Variants in MGA observed in about 807,000 individuals in gnomAD.
MGA encodes the protein MAX dimerization protein MGA.
In MGA, 40 loss-of-function variants were observed where a neutral mutation model predicts 261.1. The observed-to-expected ratio is 0.15, with a 90% confidence interval of 0.12 to 0.20. The LOEUF (loss-of-function observed/expected upper bound fraction) is 0.20, where lower values mean the gene tolerates loss of function less well. Among genes scored for constraint, MGA ranks in the 10% least tolerant of loss-of-function variants. The pLI is 1.00. For missense variants in MGA, 3,397 were observed against 3,630.5 expected, an observed-to-expected ratio of 0.94 and a Z score of 1.65; for synonymous variants, 1,302 against 1,290.6, an observed-to-expected ratio of 1.01 and a Z score of -0.19.
intron 1 of MGA, chr15:41,621,419 C>T (rs1329243322): frequency 6.6e-6 from 1 of 152,324 alleles, no homozygotes; most frequent in East Asian, 1.9e-4. Context: ...GTGCGAACGA[C>T]TCGGCGCCGC....
intron 5 of MGA, among the ~76,000 whole-genome samples, chr15:41,702,267 G>A (rs1303213066): frequency 6.6e-6 from 1 of 151,090 alleles, no homozygotes; most frequent in Non-Finnish European, 1.5e-5. Context: ...AGCTTGCAGT[G>A]AGCCGAGATC....
At chr15:41,629,133 A>G (rs2077703609) in intron 1 of MGA, among the ~76,000 whole-genome samples, 1 of 148,510 alleles carries the variant, frequency 6.7e-6, no homozygotes, top group Non-Finnish European at 1.5e-5. Flanking sequence ...AAAAGAAGCC[A>G]TTGGAGTGTT....
At chr15:41,687,765 T>C (rs1239115182) in intron 2 of MGA, among the ~76,000 whole-genome samples, 4 of 152,200 alleles carry the variant, frequency 2.6e-5, no homozygotes, top group Non-Finnish European at 5.9e-5. Flanking sequence ...ATACTTCATG[T>C]ATACTTGAAA....
chr15:41,678,265 A>T (rs1459527431), intron 2 of MGA, among the ~76,000 whole-genome samples: 1 of 151,102 alleles, frequency 6.6e-6, no homozygotes, highest in East Asian at 2.0e-4. Flanking sequence ...TAATTTTTGT[A>T]TTTTTAGTAG....
intron 1 of MGA, among the ~76,000 whole-genome samples, chr15:41,647,639 TCTAAATGTCTGTTCTGA>T (rs1245558610): frequency 2.0e-5 from 3 of 152,192 alleles, no homozygotes; most frequent in Non-Finnish European, 2.9e-5. Context: ...CCACCTGTCA[TCTAAATGTCTGTTCTGA>T]CCATAACCCT....
chr15:41,706,884 G>A (rs1188432576), intron 5 of MGA, among the ~76,000 whole-genome samples: 3 of 151,976 alleles, frequency 2.0e-5, no homozygotes, highest in Admixed American at 6.6e-5. Flanking sequence ...AATAATTAAC[G>A]CTTCACTTTG....
At chr15:41,761,998 C>G in intron 21 of MGA, 131 bp from the exon 22 acceptor site, 1 of 1,029,900 alleles carries the variant, frequency 9.7e-7, no homozygotes, top group Non-Finnish European at 1.4e-6. Flanking sequence ...TGGGTTGTTT[C>G]TTGTGAATTG....
Position 41,719,127 on chromosome 15 carries a change from A to T in MGA, c.3430+5631A>T, listed in dbSNP as rs140735349. On this transcript the variant is annotated intron_variant, in intron 9 of 23. Transcript: ENST00000219905. ...TTGGAAATTGAGATAAGTTGAGATT[A>T]AAAAAATACCATTTAAAATAGCATC... 1.3e-3 allele frequency among the ~76,000 whole-genome samples: 191 copies of T among 152,284 alleles called. 2 individuals carry two copies. In the East Asian group the frequency reaches 0.034, roughly 27 times the overall value.
At position 41,694,266 on chromosome 15, in the gene MGA, A is replaced by G. The variant is rs138202596; in HGVS notation, c.1065-1809A>G. ...CCCTATCTCTACTAAAAATACAAAA[A>G]TTAGCCGGGCGTGTTGGTGCATGCC... On this transcript the variant is annotated intron_variant, in intron 2 of 23. Coordinates refer to ENST00000219905, the MANE Select transcript of MGA (RefSeq NM_001164273.2). Among the ~76,000 whole-genome samples, 37 of 151,834 alleles carry G rather than the reference A, an allele frequency of 2.4e-4. No individual in the cohort carries two copies. In the East Asian group the frequency reaches 6.4e-3, roughly 26 times the overall value.
chr15:41,695,264 C>G (rs1341688389), intron 2 of MGA, among the ~76,000 whole-genome samples: 1 of 151,750 alleles, frequency 6.6e-6, no homozygotes, highest in Admixed American at 6.6e-5. Context: ...TCTCGGCTCT[C>G]TGCAACCTCC....
chr15:41,766,228 A>T lies in MGA; in HGVS notation c.8146A>T (p.Thr2716Ser), dbSNP rs769929257. 2 of 1,614,004 alleles carry T rather than the reference A, an allele frequency of 1.2e-6. No homozygotes were observed. The change falls in exon 24 of 24, where the codon ACG becomes TCG. Residue 2716 changes from threonine (T) to serine (S), a missense_variant. Thr to Ser is a moderately conservative substitution (Grantham distance 58). This residue lies in a region of MGA where 647 missense variants were observed against 642.4 expected (regional missense o/e 1.01). Coordinates refer to ENST00000219905, the MANE Select transcript of MGA (RefSeq NM_001164273.2). The stretch of plus-strand genomic sequence containing the variant: ...AGATGGCAGAGTGACGTTGGGTCCA[A>T]CGCAGGTTTTTCTGGCAAACAAAGA...
At chr15:41,743,318 C>A in intron 15 of MGA, 146 bp downstream of exon 15, 1 of 1,055,862 alleles carries the variant, frequency 9.5e-7, no homozygotes, top group Non-Finnish European at 1.3e-6. Flanking sequence ...AAAACCTCTG[C>A]ATGCTGCAAA....
intron 2 of MGA, among the ~76,000 whole-genome samples, chr15:41,682,164 GCCTCAGCCAC>G (rs1284960064): frequency 6.6e-6 from 1 of 152,142 alleles, no homozygotes; most frequent in Non-Finnish European, 1.5e-5. Context: ...TGATCTGCCT[GCCTCAGCCAC>G]CCAAAGTGTT....
At position 41,750,256 on chromosome 15, in the gene MGA, C is replaced by G. The variant is rs2062757966; in HGVS notation, c.6649C>G (p.Gln2217Glu). 1 of 1,613,910 alleles carries G rather than the reference C, an allele frequency of 6.2e-7. No individual in the cohort carries two copies. The highest frequency in any genetic ancestry group is 8.5e-7 in the Non-Finnish European group (1 of 1,179,892). The change falls in exon 17 of 24, where the codon CAA becomes GAA. Residue 2217 changes from glutamine to glutamate, a missense_variant. By Grantham distance (29) the Gln-to-Glu change is conservative. Coordinates refer to ENST00000219905, the MANE Select transcript of MGA (RefSeq NM_001164273.2). ...TCAGGAAAATTCAGATGTGTTTCAG[C>G]AAGAACAAGGCATCTCTGACTTACT...
intron 1 of MGA, among the ~76,000 whole-genome samples, chr15:41,652,913 G>A (rs2150731345): frequency 6.6e-6 from 1 of 152,220 alleles, no homozygotes; most frequent in African/African-American, 2.4e-5. Context: ...TAAGGATAGA[G>A]AACCTCAAGA....
intron 9 of MGA, among the ~76,000 whole-genome samples, chr15:41,725,094 C>T (rs763105741): frequency 1.3e-5 from 2 of 152,176 alleles, no homozygotes; most frequent in African/African-American, 4.8e-5. Context: ...GCTACATGTC[C>T]TCTGTGAGGA....
intron 1 of MGA, among the ~76,000 whole-genome samples, chr15:41,665,781 A>G (rs2057698942): frequency 6.6e-6 from 1 of 152,104 alleles, no homozygotes; most frequent in African/African-American, 2.4e-5. Flanking sequence ...AGTCCCAGTT[A>G]CCCCTTCCCC....
chr15:41,757,462 C>T (rs924911316), intron 18 of MGA, among the ~76,000 whole-genome samples: 2 of 152,054 alleles, frequency 1.3e-5, no homozygotes, highest in African/African-American at 4.8e-5. Context: ...AATACTATGC[C>T]ATTTTATATC....
At chr15:41,740,406 T>C (rs2062027457) in intron 14 of MGA, among the ~76,000 whole-genome samples, 1 of 152,176 alleles carries the variant, frequency 6.6e-6, no homozygotes, top group African/African-American at 2.4e-5. Flanking sequence ...AGTTGTTTTA[T>C]AGTTAATTTC....
Sources: gnomAD v4.1 joint callset for allele counts (sites outside exome capture counted in the v4.1 genomes callset) on GRCh38, gnomAD v4.1.1 for gene constraint, gnomAD v4.1.1 regional missense constraint, MANE v1.5 for transcripts, NCBI Gene and HGNC (gene_info 2026-07-23, HGNC 2026-07-21) for gene names.